IL1RAPL1: variants seen among roughly 807,000 people sequenced by gnomAD.
The protein encoded by IL1RAPL1 is interleukin 1 receptor accessory protein like 1.
In IL1RAPL1, 3 loss-of-function variants were observed where a neutral mutation model predicts 48.4. The observed-to-expected ratio is 0.06, with a 90% CI of 0.03 to 0.16. IL1RAPL1 has a LOEUF of 0.16. Ranked by LOEUF, IL1RAPL1 falls within the 10% of genes least tolerant of loss-of-function variation. The probability of loss-of-function intolerance (pLI) is 1.00; values close to 1 mark genes in which losing one functional copy is unlikely to be tolerated. For synonymous variants in IL1RAPL1, 185 were observed against 187.7 expected (o/e 0.99, Z 0.12); for missense variants, 349 against 530.6 (o/e 0.66, Z 3.36).
chrX:28,861,313 A>G (rs1211717902), intron 2 of IL1RAPL1, among the ~76,000 whole-genome samples: 1 of 112,133 alleles, frequency 8.9e-6, no homozygotes, highest in African/African-American at 3.2e-5. Context: ...CAGGAAGCCT[A>G]TTTAGTTGTT....
chrX:29,196,967 C>T (rs1210266422), intron 2 of IL1RAPL1, among the ~76,000 whole-genome samples: 1 of 110,160 alleles, frequency 9.1e-6, no homozygotes. Context: ...TTTTGGATAG[C>T]GATGCCAGTC....
At chrX:29,856,167 T>C (rs1460372382) in intron 6 of IL1RAPL1, among the ~76,000 whole-genome samples, 1 of 111,719 alleles carries the variant, frequency 9.0e-6, no homozygotes, top group Non-Finnish European at 1.9e-5. Context: ...TGCTCTTTCA[T>C]CTTTTAAGGA....
At chrX:28,592,347 G>A (rs1048128596) in intron 1 of IL1RAPL1, among the ~76,000 whole-genome samples, 2 of 111,548 alleles carry the variant, frequency 1.8e-5, no homozygotes, top group Non-Finnish European at 3.8e-5. Context: ...TTCACAGACT[G>A]AGTACATTGA....
At chrX:28,956,394 G>A (rs1924610009) in intron 2 of IL1RAPL1, among the ~76,000 whole-genome samples, 1 of 110,084 alleles carries the variant, frequency 9.1e-6, no homozygotes, top group South Asian at 4.0e-4. Context: ...TATTGGCTGT[G>A]GGTTTGTCAT....
rs771135641 is a variant in IL1RAPL1, at chrX:29,914,503, G to C, written c.779-2961G>C. 4.5e-5 allele frequency among the ~76,000 whole-genome samples: 5 copies of C among 111,115 alleles called. No individual in the cohort carries two copies. The East Asian group carries it at 1.4e-3, about 31-fold the overall frequency. Reference sequence around the variant, plus strand: ...TCTATTTATGAGTTCCAGGCATTAAGTCCCACCTAAAAACTTAAACTTGGT... The same window carrying C: ...TCTATTTATGAGTTCCAGGCATTAACTCCCACCTAAAAACTTAAACTTGGT... On this transcript the variant is annotated intron_variant, in intron 6 of 10. Transcript: ENST00000378993.
At chrX:29,179,337 T>G (rs192426855) in intron 2 of IL1RAPL1, among the ~76,000 whole-genome samples, 1 of 111,697 alleles carries the variant, frequency 9.0e-6, no homozygotes, top group East Asian at 2.8e-4. Flanking sequence ...GATTCCTAGG[T>G]ATTTTATTCT....
rs1927643543 is a variant in IL1RAPL1 at position 29,721,785 on chromosome X, G to A, written c.778+53281G>A. Among the ~76,000 whole-genome samples the A allele has an allele frequency of 2.7e-5, 3 of 111,809 alleles. No individual in the cohort carries two copies. In the South Asian group the frequency reaches 1.1e-3, roughly 42 times the overall value. ...AGATAATCAGGTACAATTTTACTAT[G>A]AGATTGGACAATGTTTGAAGAATAT... On this transcript the variant is annotated intron_variant, in intron 6 of 10. Transcript: ENST00000378993.
chrX:28,972,584 A>G (rs1157836849), intron 2 of IL1RAPL1, among the ~76,000 whole-genome samples: 1 of 109,764 alleles, frequency 9.1e-6, no homozygotes, highest in Non-Finnish European at 1.9e-5. Context: ...TAAAAATACA[A>G]AAAAATTAGC....
intron 2 of IL1RAPL1, among the ~76,000 whole-genome samples, chrX:29,176,819 A>ATTTT (rs1930034456): frequency 4.5e-5 from 5 of 110,823 alleles, no homozygotes; most frequent in African/African-American, 6.6e-5. Context: ...CCATTTACCA[A>ATTTT]TCTTTTCCTG....
At chrX:29,686,608 A>G (rs1471756423) in intron 6 of IL1RAPL1, among the ~76,000 whole-genome samples, 2 of 106,274 alleles carry the variant, frequency 1.9e-5, no homozygotes, top group African/African-American at 6.9e-5. Flanking sequence ...CCCAGGCTGC[A>G]GTGCAGTGGT....
intron 1 of IL1RAPL1, among the ~76,000 whole-genome samples, chrX:28,663,434 G>A (rs982156561): frequency 7.1e-5 from 8 of 112,369 alleles, no homozygotes; most frequent in Admixed American, 1.9e-4. Flanking sequence ...ATCTGACTGA[G>A]TACTGTTGTA....
chrX:29,600,148 G>C (rs1430785556), intron 5 of IL1RAPL1, among the ~76,000 whole-genome samples: 1 of 112,167 alleles, frequency 8.9e-6, no homozygotes, highest in African/African-American at 3.2e-5. Context: ...CATTTGGGTA[G>C]ACTGTGTCAG....
chrX:29,130,925 C>G (rs1929007424), intron 2 of IL1RAPL1, among the ~76,000 whole-genome samples: 3 of 112,378 alleles, frequency 2.7e-5, no homozygotes, highest in Admixed American at 1.9e-4. Flanking sequence ...TTAGGTCAAA[C>G]TTGCCACATT....
chrX:29,487,048 C>T (rs972567291), intron 5 of IL1RAPL1, among the ~76,000 whole-genome samples: 4 of 73,346 alleles, frequency 5.5e-5, no homozygotes, highest in East Asian at 1.3e-3. Context: ...TTTTGAGTAG[C>T]GAGGGGCTAA....
chrX:29,072,563 CTT>C (rs1351492415), intron 2 of IL1RAPL1, among the ~76,000 whole-genome samples: 1 of 111,625 alleles, frequency 9.0e-6, no homozygotes, highest in Non-Finnish European at 1.9e-5. Flanking sequence ...GGAGAAATGG[CTT>C]TCATGACATT....
chrX:29,941,936 C>T (rs1400916642), intron 9 of IL1RAPL1, 142 bp downstream of exon 9: 2 of 544,553 alleles, frequency 3.7e-6, no homozygotes, highest in African/African-American at 4.6e-5. Flanking sequence ...GTAAATTTCT[C>T]TTTTGTAAGG....
chrX:29,007,807 A>G (rs1192511933), intron 2 of IL1RAPL1, among the ~76,000 whole-genome samples: 1 of 111,969 alleles, frequency 8.9e-6, no homozygotes, highest in Non-Finnish European at 1.9e-5. Context: ...ACCTATCATT[A>G]TCATCTTTTA....
At chrX:29,189,592 A>C (rs1930314676) in intron 2 of IL1RAPL1, among the ~76,000 whole-genome samples, 1 of 111,688 alleles carries the variant, frequency 9.0e-6, no homozygotes. Context: ...TTGAGAAATT[A>C]GAATTATTTC....
chrX:28,589,282 T>C (rs899555931), intron 1 of IL1RAPL1, among the ~76,000 whole-genome samples: 8 of 111,356 alleles, frequency 7.2e-5, no homozygotes, highest in Non-Finnish European at 1.3e-4. Flanking sequence ...CGAGTTTCAG[T>C]CAACGATAGT....
Sources: gnomAD v4.1 joint callset for allele counts (sites outside exome capture counted in the v4.1 genomes callset) on GRCh38, gnomAD v4.1.1 for gene constraint, MANE v1.5 for transcripts, NCBI Gene and HGNC (gene_info 2026-07-23, HGNC 2026-07-21) for gene names.